Variants in RASA1 observed in about 807,000 individuals in gnomAD.
RASA1 encodes ras GTPase-activating protein 1.
RASA1 carries 25 observed loss-of-function variants against 132.2 expected under a neutral mutation model. The observed-to-expected ratio is 0.19, with a 90% CI of 0.14 to 0.26. RASA1 has a LOEUF of 0.26. Ranked by LOEUF, RASA1 falls within the 10% of genes least tolerant of loss-of-function variation. The pLI, the probability that RASA1 is intolerant of heterozygous loss-of-function variation, is 1.00. For missense variants in RASA1, 964 were observed against 1,299.2 expected, an observed-to-expected ratio of 0.74 and a Z score of 3.97; for synonymous variants, 477 against 449.9, an observed-to-expected ratio of 1.06 and a Z score of -0.76.
rs1762478792 is a variant in RASA1 at position 87,391,071 on chromosome 5, T to C, written c.*188T>C. 3 of 672,446 alleles carry C rather than the reference T, an allele frequency of 4.5e-6. No individual in the cohort carries two copies. Among genetic ancestry groups the C allele is most frequent in the Non-Finnish European group, 8.0e-6 (3 of 373,522 alleles). 41.7% of individuals were successfully genotyped at this position (672,446 alleles called of 1,614,324 possible). A position where few individuals can be genotyped will look rare whatever the true frequency, so the allele number is the denominator to read the frequency against. The stretch of plus-strand genomic sequence containing the variant: ...TATGCCAGCAACCTTGTAAGCTATC[T>C]GTGCAGGATATTTGCACTATTTCCA... On this transcript the variant is annotated 3_prime_UTR_variant, in exon 25 of 25. Transcript: ENST00000274376.
intron 7 of RASA1, among the ~76,000 whole-genome samples, chr5:87,348,792 T>C (rs1446194384): frequency 1.3e-5 from 2 of 151,816 alleles, no homozygotes; most frequent in South Asian, 2.1e-4. Context: ...ATTGAAAACA[T>C]TGATTAAGCA....
At chr5:87,310,779 G>C (rs979042739) in intron 1 of RASA1, among the ~76,000 whole-genome samples, 1 of 152,018 alleles carries the variant, frequency 6.6e-6, no homozygotes, top group Non-Finnish European at 1.5e-5. Context: ...TCAGTTTCTT[G>C]ACATTTGCAC....
chr5:87,294,580 T>C (rs1755040945), intron 1 of RASA1: 1 of 152,248 alleles, frequency 6.6e-6, no homozygotes, highest in Admixed American at 6.5e-5. Flanking sequence ...AAATTGTATT[T>C]TCATTTTAAT....
intron 1 of RASA1, among the ~76,000 whole-genome samples, chr5:87,312,595 T>C (rs2112308611): frequency 6.6e-6 from 1 of 152,342 alleles, no homozygotes; most frequent in South Asian, 2.1e-4. Context: ...CTGGGTCTCC[T>C]CTTTCTGGGC....
intron 1 of RASA1, among the ~76,000 whole-genome samples, chr5:87,321,558 AACACGTTT>A (rs1756807309): frequency 6.6e-6 from 1 of 152,224 alleles, no homozygotes; most frequent in South Asian, 2.1e-4. Context: ...AACTCAGAGA[AACACGTTT>A]ACTGGTTTAT....
At chr5:87,278,539 C>G (rs908649904) in intron 1 of RASA1, among the ~76,000 whole-genome samples, 1 of 151,790 alleles carries the variant, frequency 6.6e-6, no homozygotes, top group Non-Finnish European at 1.5e-5. Context: ...GAGCGAGACT[C>G]TGTCTCAAAA....
At chr5:87,359,294 C>G (rs1012329118) in intron 9 of RASA1, among the ~76,000 whole-genome samples, 1 of 152,120 alleles carries the variant, frequency 6.6e-6, no homozygotes, top group Non-Finnish European at 1.5e-5. Flanking sequence ...TCTAACCAAT[C>G]AGATTACTGA....
chr5:87,280,322 T>C (rs533152754), intron 1 of RASA1, among the ~76,000 whole-genome samples: 5 of 146,578 alleles, frequency 3.4e-5, no homozygotes, highest in African/African-American at 1.2e-4. Context: ...TCTTTCTTTC[T>C]TTTTTTTTTT....
At chr5:87,315,674 G>A (rs909816230) in intron 1 of RASA1, among the ~76,000 whole-genome samples, 7 of 152,072 alleles carry the variant, frequency 4.6e-5, no homozygotes, top group Admixed American at 3.9e-4. Flanking sequence ...GTTTAATATG[G>A]GAGAGGGTTG....
intron 1 of RASA1, among the ~76,000 whole-genome samples, chr5:87,323,209 A>G (rs191418579): frequency 6.6e-6 from 1 of 152,324 alleles, no homozygotes. Flanking sequence ...AAATTGTGTA[A>G]TATTTCACCC....
chr5:87,378,957 A>G (rs984232632), intron 18 of RASA1, among the ~76,000 whole-genome samples: 2 of 152,154 alleles, frequency 1.3e-5, no homozygotes, highest in Non-Finnish European at 2.9e-5. Context: ...CAACTAAAAC[A>G]AAAAAATCTT....
At chr5:87,372,942 C>T (rs1403862248) in intron 13 of RASA1, among the ~76,000 whole-genome samples, 4 of 152,112 alleles carry the variant, frequency 2.6e-5, no homozygotes, top group African/African-American at 4.8e-5. Context: ...TAAATAGTCC[C>T]TGTAACCCAA....
intron 9 of RASA1, among the ~76,000 whole-genome samples, chr5:87,354,703 A>G (rs964186559): frequency 6.6e-6 from 1 of 152,202 alleles, no homozygotes; most frequent in African/African-American, 2.4e-5. Context: ...GATTAAGCTT[A>G]GGGAGGCATG....
intron 1 of RASA1, among the ~76,000 whole-genome samples, chr5:87,306,469 G>A (rs1192652422): frequency 1.3e-5 from 2 of 152,066 alleles, no homozygotes; most frequent in Non-Finnish European, 2.9e-5. Context: ...TGAGGGTGGA[G>A]GGTGGTAGGA....
intron 1 of RASA1, among the ~76,000 whole-genome samples, chr5:87,319,206 T>C (rs999044020): frequency 6.6e-6 from 1 of 152,246 alleles, no homozygotes; most frequent in Non-Finnish European, 1.5e-5. Context: ...CCTGCAACTT[T>C]TGCAGGCACA....
intron 20 of RASA1, among the ~76,000 whole-genome samples, chr5:87,382,149 A>G (rs1024786052): frequency 6.6e-6 from 1 of 152,106 alleles, no homozygotes; most frequent in Non-Finnish European, 1.5e-5. Context: ...ATGGGGTTAG[A>G]CCATGTTGGC....
intron 1 of RASA1, among the ~76,000 whole-genome samples, chr5:87,311,852 C>T (rs1755939354): frequency 6.6e-6 from 1 of 152,196 alleles, no homozygotes; most frequent in Non-Finnish European, 1.5e-5. Context: ...TATGGTGTGG[C>T]TGAAGGCTTT....
At chr5:87,355,069 C>T (rs1246801888) in intron 9 of RASA1, among the ~76,000 whole-genome samples, 5 of 152,070 alleles carry the variant, frequency 3.3e-5, no homozygotes, top group South Asian at 2.1e-4. Context: ...TAAAAGTGTA[C>T]GGTGAAGCAA....
intron 22 of RASA1, 113 bp downstream of exon 22, chr5:87,385,502 G>A (rs1580408074): frequency 2.5e-6 from 2 of 794,750 alleles, no homozygotes; most frequent in South Asian, 3.1e-5. Flanking sequence ...AGCGATGAAA[G>A]ATTATTTTTG....
Sources: gnomAD v4.1 joint callset for allele counts (sites outside exome capture counted in the v4.1 genomes callset) on GRCh38, gnomAD v4.1.1 for gene constraint, MANE v1.5 for transcripts, NCBI Gene and HGNC (gene_info 2026-07-23, HGNC 2026-07-21) for gene names.